The following CCDC171 variants were observed in gnomAD, a reference collection of about 807,000 sequenced individuals.
The protein encoded by CCDC171 is coiled-coil domain containing 171.
Under a neutral mutation model 168.2 loss-of-function variants are expected in CCDC171, and 177 were observed. That is an observed-to-expected ratio of 1.05 (90% CI 0.93 to 1.19). The LOEUF is 1.19. Ranked by LOEUF, CCDC171 falls within the 50% of genes most tolerant of loss-of-function variation. The pLI is 0.00. For missense variants in CCDC171, 1,991 were observed against 1,539.0 expected (o/e 1.29, Z -4.91); for synonymous variants, 687 against 540.8 (o/e 1.27, Z -3.75).
intron 7 of CCDC171, among the ~76,000 whole-genome samples, chr9:15,638,705 T>C (rs915024951): frequency 3.9e-5 from 6 of 151,904 alleles, no homozygotes; most frequent in East Asian, 3.8e-4. Context: ...AAAAATCTTA[T>C]AAGCTTTATA....
chr9:15,990,696 C>A (rs1207849709), intron 3 of CCDC171, among the ~76,000 whole-genome samples: 4 of 151,996 alleles, frequency 2.6e-5, no homozygotes, highest in Non-Finnish European at 5.9e-5. Flanking sequence ...ACATGCAGAG[C>A]CACACATAGG....
intron 3 of CCDC171, among the ~76,000 whole-genome samples, chr9:16,002,378 G>C (rs367585916): frequency 6.6e-6 from 1 of 151,740 alleles, no homozygotes; most frequent in Non-Finnish European, 1.5e-5. Flanking sequence ...GTGTGTGTTT[G>C]TGTCTTTGTT....
intron 6 of CCDC171, among the ~76,000 whole-genome samples, chr9:15,616,542 T>C (rs900512913): frequency 3.3e-5 from 5 of 152,148 alleles, no homozygotes; most frequent in Non-Finnish European, 7.4e-5. Flanking sequence ...TTATTTCAAA[T>C]TATTTGGTTT....
chr9:15,609,209 C>G (rs1379116543), intron 6 of CCDC171, among the ~76,000 whole-genome samples: 1 of 151,722 alleles, frequency 6.6e-6, no homozygotes, highest in Non-Finnish European at 1.5e-5. Flanking sequence ...AAGCGATTCT[C>G]CTGCCTCAGC....
chr9:15,943,158 A>G (rs1037457282), intron 25 of CCDC171, among the ~76,000 whole-genome samples: 1 of 152,052 alleles, frequency 6.6e-6, no homozygotes, highest in Non-Finnish European at 1.5e-5. Flanking sequence ...CATTGTTAAC[A>G]GCTTTGTCTT....
chr9:15,720,931 A>G (rs1461032908), intron 11 of CCDC171, among the ~76,000 whole-genome samples: 1 of 152,182 alleles, frequency 6.6e-6, no homozygotes, highest in African/African-American at 2.4e-5. Flanking sequence ...GAGTGAGAAC[A>G]TGCAGTGTTT....
chr9:15,932,251 A>G (rs1368080914), intron 25 of CCDC171, among the ~76,000 whole-genome samples: 2 of 151,828 alleles, frequency 1.3e-5, no homozygotes, highest in Non-Finnish European at 1.5e-5. Flanking sequence ...AACATGGGAT[A>G]TCTTTTCATT....
intron 7 of CCDC171, among the ~76,000 whole-genome samples, chr9:15,652,084 T>G (rs1290734727): frequency 6.6e-6 from 1 of 152,068 alleles, no homozygotes; most frequent in African/African-American, 2.4e-5. Context: ...AATTTAATTT[T>G]TTTGTAGAGA....
intron 21 of CCDC171, among the ~76,000 whole-genome samples, chr9:15,832,239 T>A (rs1382042581): frequency 6.6e-6 from 1 of 152,188 alleles, no homozygotes; most frequent in African/African-American, 2.4e-5. Context: ...CAAATCCCTT[T>A]CTCCTTTAAT....
chr9:15,877,025 G>C (rs1817933608), intron 24 of CCDC171, among the ~76,000 whole-genome samples: 2 of 152,104 alleles, frequency 1.3e-5, no homozygotes, highest in African/African-American at 4.8e-5. Flanking sequence ...AATGGAAAGA[G>C]ACCAGTGAGC....
chr9:15,828,706 A>G (rs569795377), intron 21 of CCDC171, among the ~76,000 whole-genome samples: 1 of 152,296 alleles, frequency 6.6e-6, no homozygotes, highest in Non-Finnish European at 1.5e-5. Flanking sequence ...AAGAATGAAA[A>G]CTATTTTTTC....
chr9:15,614,999 A>T (rs1002403265), intron 6 of CCDC171, among the ~76,000 whole-genome samples: 1 of 152,202 alleles, frequency 6.6e-6, no homozygotes, highest in Non-Finnish European at 1.5e-5. Context: ...TTCCAGTTTT[A>T]TGTAAACTCC....
At chr9:15,852,845 T>C (rs1319250422) in intron 23 of CCDC171, among the ~76,000 whole-genome samples, 1 of 151,686 alleles carries the variant, frequency 6.6e-6, no homozygotes, top group Non-Finnish European at 1.5e-5. Context: ...TCTTTTCCCA[T>C]TGAATGATCA....
Position 15,666,243 on chromosome 9 carries a change from C to A in CCDC171, c.996C>A (p.Ile332=). ...AAGCTGTTGCTGATTTGGAAATTAT[C>A]AAGAATGAATTCAAAGAAGTTGAAA... ...QAEAVADLEI[I]KNEFKEVESA... The change falls in exon 9 of 26, where the codon ATC becomes ATA. Residue 332 remains isoleucine, a synonymous_variant. Coordinates refer to ENST00000380701, the MANE Select transcript of CCDC171 (RefSeq NM_173550.4). 6.2e-7 allele frequency: 1 copy of A among 1,613,572 alleles called. No individual in the cohort carries two copies. The highest frequency in any genetic ancestry group is 2.2e-5 in the East Asian group (1 of 44,840).
intron 20 of CCDC171, among the ~76,000 whole-genome samples, chr9:15,783,818 G>T (rs10756704): frequency 1.3e-5 from 2 of 151,792 alleles, no homozygotes; most frequent in South Asian, 4.2e-4. Flanking sequence ...GATTTTGTTG[G>T]CAGATGTGTA....
chr9:15,591,678 C>G, intron 5 of CCDC171, 122 bp downstream of exon 5: 1 of 625,424 alleles, frequency 1.6e-6, no homozygotes. Flanking sequence ...CTTCCTCCCT[C>G]CCATTTTTTC....
chr9:15,932,437 G>C (rs1357162407), intron 25 of CCDC171, among the ~76,000 whole-genome samples: 1 of 151,662 alleles, frequency 6.6e-6, no homozygotes, highest in Non-Finnish European at 1.5e-5. Context: ...TTAAAATGCT[G>C]CTGATTTCTT....
At chr9:15,968,914 C>A (rs1397598041) in intron 25 of CCDC171, among the ~76,000 whole-genome samples, 2 of 152,092 alleles carry the variant, frequency 1.3e-5, no homozygotes, top group East Asian at 3.9e-4. Context: ...TTTTTTCTAG[C>A]AGTACAGCAG....
intron 6 of CCDC171, among the ~76,000 whole-genome samples, chr9:15,620,041 T>A (rs2044383762): frequency 6.6e-6 from 1 of 152,186 alleles, no homozygotes; most frequent in South Asian, 2.1e-4. Context: ...AAAAAGATTC[T>A]TCTCAAAATA....
Sources: allele counts gnomAD v4.1 joint callset (sites outside exome capture counted in the v4.1 genomes callset), GRCh38; gene constraint gnomAD v4.1.1; transcripts MANE v1.5; gene names NCBI Gene and HGNC (gene_info 2026-07-23, HGNC 2026-07-21).